The following APC2 variants were observed in gnomAD, a reference collection of about 807,000 sequenced individuals.
The protein encoded by APC2 is adenomatous polyposis coli protein 2.
APC2 carries 41 observed loss-of-function variants against 72.5 expected under a neutral mutation model. The observed-to-expected ratio is 0.57, with a 90% confidence interval of 0.44 to 0.73. The LOEUF (loss-of-function observed/expected upper bound fraction) is 0.73, where lower values mean the gene tolerates loss of function less well. Ranked by LOEUF, APC2 falls within the 30% of genes least tolerant of loss-of-function variation. The pLI is 0.00. For synonymous variants in APC2, 1,898 were observed against 1,612.0 expected (o/e 1.18, Z -4.25); for missense variants, 3,729 against 3,403.4 (o/e 1.10, Z -2.38).
upstream of APC2, chr19:1,446,471 C>T: frequency 7.3e-6 from 5 of 689,118 alleles, no homozygotes; most frequent in Non-Finnish European, 8.9e-6. The surrounding 1 kb of genome is among the most constrained non-coding windows in gnomAD (Gnocchi z 6.1). Context: ...GCTGCAGAGT[C>T]GGGGGTCTAG....
intron 4 of APC2, 111 bp from the exon 5 acceptor site, chr19:1,455,038 T>C: frequency 2.6e-6 from 1 of 387,462 alleles, no homozygotes; most frequent in South Asian, 2.1e-5. Context: ...GACCTTGCCA[T>C]GTTGCCTGTT....
Position 1,456,918 on chromosome 19 carries a change from G to C in APC2, c.882G>C (p.Thr294=), listed in dbSNP as rs369493003. 3.8e-6 allele frequency: 6 copies of C among 1,574,286 alleles called. No individual in the cohort carries two copies. Among genetic ancestry groups the C allele is most frequent in the Non-Finnish European group, 5.1e-6 (6 of 1,168,268 alleles). Residue 294 remains threonine, a synonymous_variant, in exon 9 of 15, where the codon ACG becomes ACC. Transcript: ENST00000590469. ...ATRDQEDTAR[T]LLAMSSSPES... is the part of the protein sequence containing the mutation. Reference sequence around the variant, plus strand: ...GCGACCAGGAGGATACAGCGCGCACGCTGCTGGCCATGTCCAGCTCGCCCG... The same window carrying C: ...GCGACCAGGAGGATACAGCGCGCACCCTGCTGGCCATGTCCAGCTCGCCCG...
In APC2 at chr19:1,466,749, A is replaced by G; in HGVS notation, c.3448A>G (p.Asn1150Asp). The G allele has an allele frequency of 6.5e-7, 1 of 1,546,318 alleles. No individual in the cohort carries two copies. Among genetic ancestry groups the G allele is most frequent in the Non-Finnish European group, 8.7e-7 (1 of 1,144,992 alleles). Residue 1150 changes from asparagine (N) to aspartate (D), a missense_variant, in exon 15 of 15, where the codon AAC becomes GAC. Coordinates refer to ENST00000590469, the MANE Select transcript of APC2 (RefSeq NM_005883.3). ...EDATPSSSSE[N>D]YVQETPLVLS... is the part of the protein sequence containing the mutation. ...CGCCACGCCGTCCAGCTCGTCGGAG[A>G]ACTACGTGCAGGAGACACCGCTTGT...
At position 1,456,906 on chromosome 19, in the gene APC2, T is replaced by C; in HGVS notation, c.870T>C (p.Asp290=). 6.3e-7 allele frequency: 1 copy of C among 1,584,736 alleles called. No homozygotes were observed. The stretch of plus-strand genomic sequence containing the variant: ...TGTTGGCGACGCGCGACCAGGAGGA[T>C]ACAGCGCGCACGCTGCTGGCCATGT... The part of the protein sequence containing the change: ...LSMLATRDQE[D]TARTLLAMSS... Residue 290 remains aspartate (D), a synonymous_variant, in exon 9 of 15, where the codon GAT becomes GAC. Coordinates refer to ENST00000590469, the MANE Select transcript of APC2 (RefSeq NM_005883.3).
Position 1,467,036 on chromosome 19 carries a change from C to T in APC2, c.3735C>T (p.Asp1245=). The stretch of plus-strand genomic sequence containing the variant: ...TGAAGCGCTTCCTGGACATCGCCGA[C>T]TGCCGGGAGCGCTGCCGGCTGCCAT... ...SYVKRFLDIA[D]CRERCRLPSE... The change falls in exon 15 of 15, where the codon GAC becomes GAT. Residue 1245 remains aspartate, a synonymous_variant. Transcript: ENST00000590469. 1 of 1,611,592 alleles carries T rather than the reference C, an allele frequency of 6.2e-7. No homozygotes were observed. Among genetic ancestry groups the T allele is most frequent in the Non-Finnish European group, 8.5e-7 (1 of 1,179,564 alleles).
intron 8 of APC2, 78 bp from the exon 9 acceptor site, chr19:1,456,775 G>T: frequency 6.6e-7 from 1 of 1,510,556 alleles, no homozygotes; most frequent in Non-Finnish European, 8.8e-7. Flanking sequence ...CGGGGCAGGG[G>T]TCACAGGGCT....
upstream of APC2, among the ~76,000 whole-genome samples, chr19:1,446,532 G>A (rs868048464): frequency 2.0e-4 from 31 of 152,152 alleles, no homozygotes; most frequent in African/African-American, 7.2e-4. The surrounding 1 kb of genome is among the most constrained non-coding windows in gnomAD (Gnocchi z 6.1). Flanking sequence ...AAGGCTGGCG[G>A]GGATGGAAGC....
intron 6 of APC2, among the ~76,000 whole-genome samples, chr19:1,455,714 T>TG (rs1159987858): frequency 1.4e-5 from 2 of 147,626 alleles, no homozygotes; most frequent in African/African-American, 5.1e-5. Context: ...ACAAGGGCGG[T>TG]GGGGTGCGAC....
intron 9 of APC2, 52 bp downstream of exon 9, chr19:1,457,295 G>T: frequency 1.4e-6 from 2 of 1,468,930 alleles, no homozygotes; most frequent in Non-Finnish European, 1.8e-6. Flanking sequence ...TGCAGCTAGG[G>T]CTTCCCGGGG....
In APC2 at chr19:1,466,002, G is replaced by T. The variant is rs749576236; in HGVS notation, c.2701G>T (p.Gly901Trp). 3 of 1,504,442 alleles carry T rather than the reference G, an allele frequency of 2.0e-6. No individual in the cohort carries two copies. Among genetic ancestry groups the T allele is most frequent in the East Asian group, 5.0e-5 (2 of 39,774 alleles). 93.2% of individuals were successfully genotyped at this position (1,504,442 alleles called of 1,614,324 possible). Residue 901 changes from glycine (G) to tryptophan (W), a missense_variant, in exon 15 of 15, where the codon GGG becomes TGG. Physicochemically the swap from Gly to Trp is radical, Grantham distance 184. Coordinates refer to ENST00000590469, the MANE Select transcript of APC2 (RefSeq NM_005883.3). ...CTCGCCATGCCGCGGCCCGGAGGGC[G>T]GGCGGCGAGAGGCAGGAAGCCGGGC... Reference protein sequence around the residue: ...SCSPCRGPEGGRREAGSRAHP... With the variant: ...SCSPCRGPEGWRREAGSRAHP...
At chr19:1,457,729 C>G in intron 9 of APC2, 1 of 585,660 alleles carries the variant, frequency 1.7e-6, no homozygotes, top group Non-Finnish European at 3.0e-6. Flanking sequence ...GGCAGAAGCA[C>G]AGCTGAAAGG....
At position 1,470,305 on chromosome 19, in the gene APC2, G is replaced by A; in HGVS notation, c.*92G>A. ...CCTGCGCTGTAGACGTCCCCCATAG[G>A]TCGCCCCAGGGCCTCTGCCCACCCG... On this transcript the variant is annotated 3_prime_UTR_variant, in exon 15 of 15. Transcript: ENST00000590469. 7.0e-7 allele frequency: 1 copy of A among 1,419,692 alleles called. No homozygotes were observed. The highest frequency in any genetic ancestry group is 9.2e-7 in the Non-Finnish European group (1 of 1,086,776). 87.9% of individuals were successfully genotyped at this position (1,419,692 alleles called of 1,614,324 possible).
intron 6 of APC2, among the ~76,000 whole-genome samples, 198 bp from the exon 7 acceptor site, chr19:1,455,878 G>A (rs911022019): frequency 2.0e-5 from 3 of 152,208 alleles, no homozygotes; most frequent in Non-Finnish European, 4.4e-5. Context: ...AGTGGGTGGG[G>A]TCATATCTTA....
chr19:1,456,055 C>G (rs1236563466), intron 6 of APC2, 21 bp from the exon 7 acceptor site: 1 of 1,543,330 alleles, frequency 6.5e-7, no homozygotes, highest in South Asian at 1.2e-5. Flanking sequence ...CCAGCACTTG[C>G]CCTCGTGTGG....
chr19:1,456,835 A>T lies in APC2; in HGVS notation c.817-18A>T, dbSNP rs759758336. 1.9e-6 allele frequency: 3 copies of T among 1,587,994 alleles called. No individual in the cohort carries two copies. The South Asian group carries it at 3.4e-5, about 18-fold the overall frequency. ...GGGGCAGGTGAGGGACCCCACCCTG[A>T]CCCTGCCCTCCCCCCAGGTGGAGGT... On this transcript the variant is annotated intron_variant, in intron 8 of 14. Transcript: ENST00000590469.
In APC2 at chr19:1,453,611, G is replaced by A. The variant is rs377163039; in HGVS notation, c.413G>A (p.Arg138Gln). 17 of 1,595,256 alleles carry A rather than the reference G, an allele frequency of 1.1e-5. 1 individual carries two copies. The highest frequency in any genetic ancestry group is 2.2e-5 in the South Asian group (2 of 89,424). The change falls in exon 4 of 15, where the codon CGG (arginine) becomes CAG (glutamine). Residue 138 changes from arginine (R) to glutamine (Q), a missense_variant and splice_region_variant. By Grantham distance (43) the Arg-to-Gln change is conservative. Transcript: ENST00000590469. ...CTGCTGGAGGAACTGGACCGGGAAC[G>A]GTGAGTGGGCGTGGGAACCCAGCCT... ...IRLLEELDRE[R>Q]CFLLNEIEKE...
intron 1 of APC2, chr19:1,451,317 G>A (rs955134397): frequency 6.5e-6 from 1 of 152,810 alleles, no homozygotes; most frequent in African/African-American, 2.4e-5. Flanking sequence ...GCAGACATGT[G>A]TTGCTTTGCA....
chr19:1,465,285 C>G lies in APC2; in HGVS notation c.1984C>G (p.Leu662Val). Residue 662 changes from leucine (L) to valine (V), a missense_variant, in exon 15 of 15, where the codon CTG becomes GTG. Transcript: ENST00000590469. ...LSARSARDQE[L>V]LWDLGAVGML... ...GGCCCGCAGCGCCCGTGACCAGGAGCTGCTGTGGGACCTGGGCGCCGTGGG... is the reference window on the plus strand; with the variant it reads ...GGCCCGCAGCGCCCGTGACCAGGAGGTGCTGTGGGACCTGGGCGCCGTGGG... The G allele has an allele frequency of 6.2e-7, 1 of 1,604,192 alleles. No homozygotes were observed. Among genetic ancestry groups the G allele is most frequent in the Non-Finnish European group, 8.5e-7 (1 of 1,178,490 alleles).
At chr19:1,454,667 C>T (rs1197582313) in intron 4 of APC2, among the ~76,000 whole-genome samples, 1 of 151,474 alleles carries the variant, frequency 6.6e-6, no homozygotes, top group Non-Finnish European at 1.5e-5. Context: ...GGGTTCACAC[C>T]ATTCTCCCAC....
Sources: allele counts gnomAD v4.1 joint callset (sites outside exome capture counted in the v4.1 genomes callset), GRCh38; gene constraint gnomAD v4.1.1; non-coding constraint Gnocchi (gnomAD v3.1); transcripts MANE v1.5; gene names NCBI Gene and HGNC (gene_info 2026-07-23, HGNC 2026-07-21).